The following PDE7A variants were observed in gnomAD, a reference collection of about 807,000 sequenced individuals.
PDE7A encodes the protein phosphodiesterase 7A.
In PDE7A, 39 loss-of-function variants were observed where a neutral mutation model predicts 64.3. The observed-to-expected ratio is 0.61, with a 90% CI of 0.47 to 0.79. The LOEUF (loss-of-function observed/expected upper bound fraction) is 0.79. PDE7A is among the 30% of genes least tolerant of loss of function. PDE7A has a pLI of 0.00. For synonymous variants in PDE7A, 203 were observed against 206.8 expected, an observed-to-expected ratio of 0.98 and a Z score of 0.16; for missense variants, 470 against 582.8, an observed-to-expected ratio of 0.81 and a Z score of 1.99.
intron 6 of PDE7A, among the ~76,000 whole-genome samples, chr8:65,738,188 C>T (rs1020182341): frequency 6.6e-6 from 1 of 152,122 alleles, no homozygotes; most frequent in African/African-American, 2.4e-5. Context: ...ATTTAAAAGA[C>T]TTTATTGCTA....
intron 1 of PDE7A, among the ~76,000 whole-genome samples, chr8:65,790,538 A>C (rs2128925885): frequency 6.6e-6 from 1 of 152,338 alleles, no homozygotes; most frequent in Non-Finnish European, 1.5e-5. Flanking sequence ...TTCAAATAAT[A>C]ATATTATTTT....
At chr8:65,800,282 T>C (rs982076126) in intron 1 of PDE7A, among the ~76,000 whole-genome samples, 2 of 152,166 alleles carry the variant, frequency 1.3e-5, no homozygotes, top group African/African-American at 4.8e-5. Flanking sequence ...TCACACCCCC[T>C]AGCCAGTTAA....
At chr8:65,730,901 C>T (rs763573808) in intron 7 of PDE7A, among the ~76,000 whole-genome samples, 9 of 152,200 alleles carry the variant, frequency 5.9e-5, no homozygotes, top group East Asian at 1.9e-4. Context: ...CCAGCCTGGG[C>T]GACAGAGTGA....
intron 1 of PDE7A, among the ~76,000 whole-genome samples, chr8:65,784,515 AG>A (rs1360032789): frequency 6.6e-6 from 1 of 152,224 alleles, no homozygotes; most frequent in Non-Finnish European, 1.5e-5. Flanking sequence ...AAAAGAAAAC[AG>A]GACTGTATTT....
chr8:65,800,303 C>T (rs989943084), intron 1 of PDE7A, among the ~76,000 whole-genome samples: 1 of 152,184 alleles, frequency 6.6e-6, no homozygotes, highest in Non-Finnish European at 1.5e-5. Context: ...CATTTTTCTA[C>T]TGACCCTAAA....
chr8:65,743,939 TCTC>T (rs137989855), intron 5 of PDE7A, among the ~76,000 whole-genome samples: 5,958 of 152,144 alleles, frequency 0.039, 171 homozygotes, highest in Non-Finnish European at 0.06. Context: ...TTCAAGCAAT[TCTC>T]CTGCCTCAGC....
chr8:65,776,321 T>C (rs1809258083), intron 3 of PDE7A, among the ~76,000 whole-genome samples: 2 of 152,184 alleles, frequency 1.3e-5, no homozygotes, highest in Non-Finnish European at 2.9e-5. Flanking sequence ...CTATTGTCAG[T>C]CCTTGAATTA....
intron 1 of PDE7A, among the ~76,000 whole-genome samples, chr8:65,807,955 T>C (rs1563515170): frequency 6.6e-6 from 1 of 152,204 alleles, no homozygotes; most frequent in Admixed American, 6.5e-5. Context: ...GAACAAGTTT[T>C]TTGTTACTTG....
chr8:65,830,079 T>A (rs1056682424), intron 1 of PDE7A, among the ~76,000 whole-genome samples: 2 of 152,104 alleles, frequency 1.3e-5, no homozygotes, highest in African/African-American at 4.8e-5. Context: ...CTCATTCCCC[T>A]CTGCCACTTC....
At chr8:65,750,480 GTGTGTGTGTGTGTGTGTGTGTGTC>G (rs913591019) in intron 3 of PDE7A, among the ~76,000 whole-genome samples, 2 of 133,580 alleles carry the variant, frequency 1.5e-5, no homozygotes, top group Admixed American at 7.9e-5. Context: ...ATCACTGTGT[GTGTGTGTGTGTGTGTGTGTGTGTC>G]TGTGTGTGTC....
rs551059249 is a variant in PDE7A at position 65,728,653 on chromosome 8, A to T, written c.697-1352T>A. Reference sequence around the variant, plus strand: ...ATGCATAGGATATAAAGCATACTGCATATAAAGCAATCTCCCCTCCTTGAC... The same window carrying T: ...ATGCATAGGATATAAAGCATACTGCTTATAAAGCAATCTCCCCTCCTTGAC... On this transcript the variant is annotated intron_variant, in intron 7 of 12. Transcript: ENST00000401827. 1.7e-4 allele frequency: 20 copies of T among 120,818 alleles called. 1 individual carries two copies. In the East Asian group the frequency reaches 3.6e-3, roughly 22 times the overall value. The allele number at this position is 120,818 out of a possible 1,614,324, so 7.5% of individuals were successfully genotyped here.
At chr8:65,827,020 C>G (rs1049622021) in intron 1 of PDE7A, among the ~76,000 whole-genome samples, 1 of 152,170 alleles carries the variant, frequency 6.6e-6, no homozygotes, top group Admixed American at 6.6e-5. Flanking sequence ...GAGGGTCTGT[C>G]TTAATCCCAT....
intron 5 of PDE7A, among the ~76,000 whole-genome samples, chr8:65,743,724 G>A (rs1356504304): frequency 1.3e-5 from 2 of 152,138 alleles, no homozygotes; most frequent in African/African-American, 4.8e-5. Flanking sequence ...TCATTCCAAA[G>A]CAATAAGAAA....
intron 3 of PDE7A, among the ~76,000 whole-genome samples, chr8:65,766,538 G>A (rs1433417801): frequency 6.6e-6 from 1 of 152,206 alleles, no homozygotes; most frequent in Non-Finnish European, 1.5e-5. Flanking sequence ...GAGCAAGGGA[G>A]CCTGTTAGAA....
At chr8:65,791,760 A>G (rs955314823) in intron 1 of PDE7A, among the ~76,000 whole-genome samples, 1 of 152,228 alleles carries the variant, frequency 6.6e-6, no homozygotes, top group African/African-American at 2.4e-5. Flanking sequence ...CTGAAGTCGT[A>G]AAGCTTTCAT....
intron 1 of PDE7A, among the ~76,000 whole-genome samples, chr8:65,783,094 T>C (rs1301818643): frequency 6.6e-6 from 1 of 152,152 alleles, no homozygotes; most frequent in Non-Finnish European, 1.5e-5. Flanking sequence ...AGCCTCTCTT[T>C]GGAAATTTAA....
At chr8:65,835,356 T>C (rs1810925480) in intron 1 of PDE7A, among the ~76,000 whole-genome samples, 1 of 152,148 alleles carries the variant, frequency 6.6e-6, no homozygotes, top group Non-Finnish European at 1.5e-5. Flanking sequence ...CAAAGAAAAT[T>C]AAGAAAACAA....
chr8:65,756,455 C>T (rs1163298263), intron 3 of PDE7A, among the ~76,000 whole-genome samples: 1 of 151,996 alleles, frequency 6.6e-6, no homozygotes, highest in Non-Finnish European at 1.5e-5. Context: ...TCTTTCTACT[C>T]CTCAGAATGG....
chr8:65,803,664 A>G (rs74950677), intron 1 of PDE7A, among the ~76,000 whole-genome samples: 3 of 152,212 alleles, frequency 2.0e-5, no homozygotes, highest in Admixed American at 1.3e-4. Context: ...TCTGGTATCC[A>G]CTGAGAAAAG....
Sources: gnomAD v4.1 joint callset for allele counts (sites outside exome capture counted in the v4.1 genomes callset) on GRCh38, gnomAD v4.1.1 for gene constraint, MANE v1.5 for transcripts, NCBI Gene and HGNC (gene_info 2026-07-23, HGNC 2026-07-21) for gene names.